The following MTUS1 variants were observed in gnomAD, a reference collection of about 807,000 sequenced individuals.
The protein encoded by MTUS1 is microtubule associated scaffold protein 1, also known as microtubule-associated tumor suppressor 1.
In MTUS1, 109 loss-of-function variants were observed where a neutral mutation model predicts 120.8. The observed-to-expected ratio is 0.90, with a 90% CI of 0.77 to 1.06. The LOEUF (loss-of-function observed/expected upper bound fraction) is 1.06, where lower values mean the gene tolerates loss of function less well. MTUS1 is among the 50% of genes least tolerant of loss of function. MTUS1 has a pLI of 0.00. For missense variants in MTUS1, 2,210 were observed against 1,486.3 expected, an observed-to-expected ratio of 1.49 and a Z score of -8.01; for synonymous variants, 737 against 550.5, an observed-to-expected ratio of 1.34 and a Z score of -4.74.
Position 17,656,733 on chromosome 8 carries a change from G to A in MTUS1, c.2906-668C>T, listed in dbSNP as rs554669881. Among the ~76,000 whole-genome samples, 4 of 152,122 alleles carry A rather than the reference G, an allele frequency of 2.6e-5. No homozygotes were observed. In the East Asian group the frequency reaches 7.8e-4, roughly 30 times the overall value. ...GACTCCTCCCTCTCCCAGCCAGCCA[G>A]TGTGGTAGAAGCTCACACAAGAGCA... On this transcript the variant is annotated intron_variant, in intron 8 of 14. Transcript: ENST00000693296.
chr8:17,712,179 C>T (rs1821435012), intron 6 of MTUS1, among the ~76,000 whole-genome samples: 1 of 152,308 alleles, frequency 6.6e-6, no homozygotes, highest in African/African-American at 2.4e-5. Context: ...ATTTGCAAGG[C>T]TCCAGAAAAT....
chr8:17,760,309 G>A (rs2048944822), intron 1 of MTUS1, among the ~76,000 whole-genome samples: 2 of 152,110 alleles, frequency 1.3e-5, no homozygotes, highest in Non-Finnish European at 2.9e-5. Context: ...CTTAAGGATT[G>A]TTTTTATATA....
chr8:17,663,105 A>C (rs1409345227), intron 8 of MTUS1, among the ~76,000 whole-genome samples: 5 of 152,240 alleles, frequency 3.3e-5, no homozygotes, highest in Admixed American at 2.6e-4. Context: ...TTTGCTTTTC[A>C]AGTAATTATC....
intron 2 of MTUS1, among the ~76,000 whole-genome samples, chr8:17,744,659 T>C (rs1466753168): frequency 2.6e-5 from 4 of 151,530 alleles, no homozygotes; most frequent in Admixed American, 2.6e-4. Context: ...GCATTTTATT[T>C]TTAGTGGAGA....
At chr8:17,735,848 A>T (rs1586045843) in intron 3 of MTUS1, among the ~76,000 whole-genome samples, 1 of 152,230 alleles carries the variant, frequency 6.6e-6, no homozygotes, top group South Asian at 2.1e-4. Flanking sequence ...ATCCTTATGG[A>T]TTTCACCGTC....
At chr8:17,656,583 G>A (rs377296834) in intron 8 of MTUS1, among the ~76,000 whole-genome samples, 1 of 128,896 alleles carries the variant, frequency 7.8e-6, no homozygotes, top group African/African-American at 2.9e-5. Flanking sequence ...TGACTCCCAA[G>A]CAGTAAGAGA....
At chr8:17,651,447 G>A (rs75709788) in intron 12 of MTUS1, among the ~76,000 whole-genome samples, 3 of 151,574 alleles carry the variant, frequency 2.0e-5, no homozygotes, top group Non-Finnish European at 2.9e-5. Flanking sequence ...CACATCACAC[G>A]TACCCCATAA....
intron 1 of MTUS1, among the ~76,000 whole-genome samples, chr8:17,767,601 G>A (rs1032758471): frequency 1.3e-5 from 2 of 151,154 alleles, no homozygotes; most frequent in Non-Finnish European, 2.9e-5. Flanking sequence ...TGAAGGCTGA[G>A]GGCAGGAGGA....
chr8:17,741,401 C>G (rs2047308004), intron 3 of MTUS1, among the ~76,000 whole-genome samples: 1 of 152,180 alleles, frequency 6.6e-6, no homozygotes, highest in African/African-American at 2.4e-5. Context: ...CAGAATGTTT[C>G]CAGTTACATT....
At chr8:17,702,267 C>G (rs930197679) in intron 6 of MTUS1, among the ~76,000 whole-genome samples, 1 of 152,170 alleles carries the variant, frequency 6.6e-6, no homozygotes, top group Admixed American at 6.5e-5. Context: ...AAGAAATAAG[C>G]AAGAACTGAG....
chr8:17,744,274 G>T (rs1381065324), intron 2 of MTUS1, among the ~76,000 whole-genome samples: 2 of 152,100 alleles, frequency 1.3e-5, no homozygotes, highest in South Asian at 4.2e-4. Context: ...CCTTTTAAAA[G>T]TCTAAATAGG....
intron 8 of MTUS1, chr8:17,664,178 T>C (rs1344714023): frequency 6.6e-6 from 1 of 152,220 alleles, no homozygotes. Context: ...GTAGCTATTA[T>C]GGTGGAGTGT....
chr8:17,676,156 G>C (rs1434595133), intron 7 of MTUS1: 1 of 673,510 alleles, frequency 1.5e-6, no homozygotes, highest in Non-Finnish European at 2.7e-6. Context: ...GAGATCATGA[G>C]ACCCGGCCTT....
chr8:17,718,486 G>T (rs572513974), intron 4 of MTUS1, among the ~76,000 whole-genome samples: 25 of 152,138 alleles, frequency 1.6e-4, no homozygotes, highest in Admixed American at 9.2e-4. Context: ...ATCGGGTATG[G>T]GAATAGACAG....
intron 8 of MTUS1, among the ~76,000 whole-genome samples, chr8:17,659,840 C>G (rs182941743): frequency 3.3e-5 from 5 of 152,158 alleles, no homozygotes; most frequent in Non-Finnish European, 2.9e-5. Context: ...ACGTTTCCCC[C>G]CAACCTGAAA....
At chr8:17,680,780 G>A (rs1442194330) in intron 7 of MTUS1, among the ~76,000 whole-genome samples, 1 of 152,120 alleles carries the variant, frequency 6.6e-6, no homozygotes, top group Non-Finnish European at 1.5e-5. Flanking sequence ...TAAGATAGCA[G>A]AGAGTATAGA....
intron 1 of MTUS1, among the ~76,000 whole-genome samples, chr8:17,759,259 C>CTT (rs201527661): frequency 4.0e-5 from 6 of 148,974 alleles, no homozygotes; most frequent in Non-Finnish European, 6.0e-5. Context: ...TACCAGTTGT[C>CTT]TTTTTTTATT....
At chr8:17,652,648 C>T (rs1329145409) in intron 12 of MTUS1, among the ~76,000 whole-genome samples, 1 of 151,962 alleles carries the variant, frequency 6.6e-6, no homozygotes, top group Non-Finnish European at 1.5e-5. Context: ...TTTTCCTGGG[C>T]AACATGGTAA....
At chr8:17,706,577 T>C (rs1319112684) in intron 6 of MTUS1, among the ~76,000 whole-genome samples, 2 of 152,212 alleles carry the variant, frequency 1.3e-5, no homozygotes, top group African/African-American at 2.4e-5. Flanking sequence ...GTGTCTTTTA[T>C]GTCAACCACG....
Sources: allele counts gnomAD v4.1 joint callset (sites outside exome capture counted in the v4.1 genomes callset), GRCh38; gene constraint gnomAD v4.1.1; transcripts MANE v1.5; gene names NCBI Gene and HGNC (gene_info 2026-07-23, HGNC 2026-07-21).